The following NRG2 variants were observed in gnomAD, a reference collection of about 807,000 sequenced individuals.
NRG2 encodes the protein pro-neuregulin-2, membrane-bound isoform.
Under a neutral mutation model 73.9 loss-of-function variants are expected in NRG2, and 27 were observed. The observed-to-expected ratio is 0.37, with a 90% confidence interval of 0.27 to 0.50. The LOEUF is 0.50. Among genes scored for constraint, NRG2 ranks in the 20% least tolerant of loss-of-function variants. The pLI, the probability that NRG2 is intolerant of heterozygous loss-of-function variation, is 0.96. For missense variants in NRG2, 1,126 were observed against 1,210.1 expected (o/e 0.93, Z 1.03); for synonymous variants, 532 against 541.0 (o/e 0.98, Z 0.23).
chr5:139,931,509 C>T (rs748911250), intron 1 of NRG2, among the ~76,000 whole-genome samples: 6 of 152,016 alleles, frequency 3.9e-5, no homozygotes, highest in Non-Finnish European at 8.8e-5. Flanking sequence ...AATGCTGGGG[C>T]CAAGGTTAAA....
chr5:140,015,492 T>G (rs1233654202), intron 1 of NRG2, among the ~76,000 whole-genome samples: 1 of 152,160 alleles, frequency 6.6e-6, no homozygotes, highest in Admixed American at 6.5e-5. Flanking sequence ...GTGTCCCCAG[T>G]ACCCAAGACA....
At chr5:139,911,591 T>C (rs1236686378) in intron 1 of NRG2, among the ~76,000 whole-genome samples, 1 of 152,220 alleles carries the variant, frequency 6.6e-6, no homozygotes, top group African/African-American at 2.4e-5. Flanking sequence ...CAGGCCCTGC[T>C]GCAGGTGAGT....
chr5:140,016,454 T>C (rs1759787022), intron 1 of NRG2, among the ~76,000 whole-genome samples: 1 of 152,214 alleles, frequency 6.6e-6, no homozygotes, highest in African/African-American at 2.4e-5. Flanking sequence ...ATCTTGACTC[T>C]CTCCTCAGTT....
chr5:139,930,388 C>T lies in NRG2; in HGVS notation c.701-42877G>A, dbSNP rs180864298. ...CAAGATGTATCCTAAAGAATCCCTG[C>T]AAAGAGATGATTTACATTTTACCTG... is the stretch of plus-strand genomic sequence containing the variant. On this transcript the variant is annotated intron_variant, in intron 1 of 9. Coordinates refer to ENST00000361474, the MANE Select transcript of NRG2 (RefSeq NM_004883.3). Among the ~76,000 whole-genome samples the T allele has an allele frequency of 4.0e-4, 61 of 152,296 alleles. 1 individual carries two copies. Among genetic ancestry groups the T allele is most frequent in the Non-Finnish European group, 3.4e-4 (23 of 68,022 alleles).
intron 1 of NRG2, among the ~76,000 whole-genome samples, chr5:140,021,778 G>C (rs900651058): frequency 6.6e-6 from 1 of 152,160 alleles, no homozygotes; most frequent in African/African-American, 2.4e-5. Flanking sequence ...GCCTCAGCGA[G>C]GAACACAACG....
At chr5:139,944,446 A>T (rs1263148717) in intron 1 of NRG2, among the ~76,000 whole-genome samples, 1 of 152,042 alleles carries the variant, frequency 6.6e-6, no homozygotes, top group Non-Finnish European at 1.5e-5. Context: ...CCTCTGTTCT[A>T]CTTTTTTACT....
In NRG2 at chr5:140,011,935, C is replaced by T. The variant is rs761896471; in HGVS notation, c.700+30435G>A. ...AATACTTTCTTCTCCCCTAGTCCAT[C>T]TATACCTCTCCCATTGCACATGGGA... On this transcript the variant is annotated intron_variant, in intron 1 of 9. Transcript: ENST00000361474. 4.1e-4 allele frequency among the ~76,000 whole-genome samples: 62 copies of T among 152,224 alleles called. 1 individual carries two copies. The highest frequency in any genetic ancestry group is 1.5e-4 in the Non-Finnish European group (10 of 68,040).
At chr5:139,965,262 A>G (rs1392752447) in intron 1 of NRG2, among the ~76,000 whole-genome samples, 3 of 152,192 alleles carry the variant, frequency 2.0e-5, no homozygotes, top group Non-Finnish European at 4.4e-5. Flanking sequence ...CAGACAGCTC[A>G]CTATGTTCCA....
chr5:139,858,153 C>T (rs946095168), intron 5 of NRG2, among the ~76,000 whole-genome samples: 2 of 152,234 alleles, frequency 1.3e-5, no homozygotes, highest in African/African-American at 2.4e-5. Context: ...TCTGAGGCCC[C>T]CGGCTGCTTG....
In NRG2 at chr5:139,865,859, G is replaced by C. The variant is rs1319519389; in HGVS notation, c.1113-234C>G. On this transcript the variant is annotated intron_variant, in intron 4 of 9. Transcript: ENST00000361474. This position sits in a 1 kb window ranked among gnomAD's most constrained non-coding sequence, Gnocchi z 5.2. Reference sequence around the variant, plus strand: ...GTGGGGAAGGTGGGGTGGGTCAGGGGGAGGATGATTTAGGTAAGTGGGGTG... The same window carrying C: ...GTGGGGAAGGTGGGGTGGGTCAGGGCGAGGATGATTTAGGTAAGTGGGGTG... Among the ~76,000 whole-genome samples the C allele has an allele frequency of 6.6e-6, 1 of 152,116 alleles. No individual in the cohort carries two copies. The highest frequency in any genetic ancestry group is 2.4e-5 in the African/African-American group (1 of 41,404).
In NRG2 at chr5:139,848,290, G is replaced by A. The variant is rs2126986591; in HGVS notation, c.2180C>T (p.Pro727Leu). The A allele has an allele frequency of 8.8e-7, 1 of 1,134,228 alleles. No homozygotes were observed. The highest frequency in any genetic ancestry group is 1.1e-6 in the Non-Finnish European group (1 of 926,376). 70.3% of individuals were successfully genotyped at this position (1,134,228 alleles called of 1,614,324 possible). A position where few individuals can be genotyped will look rare whatever the true frequency, so the allele number is the denominator to read the frequency against. Residue 727 changes from proline to leucine, a missense_variant, in exon 10 of 10, where the codon CCG (proline) becomes CTG (leucine). Coordinates refer to ENST00000361474, the MANE Select transcript of NRG2 (RefSeq NM_004883.3). ...CCTGCGGGACGCACCGCGCGCGCGC[G>A]GCCGCGGCGGCGGCGGGGGCGCGCA... ...QECAPPPPPR[P>L]RARGASRRTS...
At chr5:139,891,880 T>G (rs1044079626) in intron 1 of NRG2, among the ~76,000 whole-genome samples, 16 of 152,238 alleles carry the variant, frequency 1.1e-4, no homozygotes, top group Non-Finnish European at 1.6e-4. Context: ...CATATGTGGA[T>G]TGCATTATAT....
rs1019317126 is a variant in NRG2 at position 139,869,158 on chromosome 5, C to G, written c.1112+2563G>C. On this transcript the variant is annotated intron_variant, in intron 4 of 9. Coordinates refer to ENST00000361474, the MANE Select transcript of NRG2 (RefSeq NM_004883.3). This position sits in a 1 kb window ranked among gnomAD's most constrained non-coding sequence, Gnocchi z 4.5. Reference sequence around the variant, plus strand: ...AAATTCAGTATCAGTGACACTGTTTCTTTTGGCACTGAATTCCAGAAAAAC... The same window carrying G: ...AAATTCAGTATCAGTGACACTGTTTGTTTTGGCACTGAATTCCAGAAAAAC... Among the ~76,000 whole-genome samples, 3 of 152,012 alleles carry G rather than the reference C, an allele frequency of 2.0e-5. No individual in the cohort carries two copies. Among genetic ancestry groups the G allele is most frequent in the Non-Finnish European group, 4.4e-5 (3 of 67,998 alleles).
rs572959543 is a variant in NRG2, at chr5:139,979,091, G to C, written c.700+63279C>G. Reference sequence around the variant, plus strand: ...CACACACCGGGGCCTGTTGTGGGGTGGGGGGAGGGGGGAGGGATAGTATTA... The same window carrying C: ...CACACACCGGGGCCTGTTGTGGGGTCGGGGGAGGGGGGAGGGATAGTATTA... On this transcript the variant is annotated intron_variant, in intron 1 of 9. Coordinates refer to ENST00000361474, the MANE Select transcript of NRG2 (RefSeq NM_004883.3). Among the ~76,000 whole-genome samples the C allele has an allele frequency of 7.7e-5, 9 of 116,326 alleles. No individual in the cohort carries two copies. The East Asian group carries it at 9.3e-4, about 12-fold the overall frequency. 76.3% of individuals were successfully genotyped at this position (116,326 alleles called of 152,430 possible). A position where few individuals can be genotyped will look rare whatever the true frequency, so the allele number is the denominator to read the frequency against.
At chr5:139,919,865 C>T (rs1025440782) in intron 1 of NRG2, among the ~76,000 whole-genome samples, 2 of 152,178 alleles carry the variant, frequency 1.3e-5, no homozygotes, top group Admixed American at 1.3e-4. Context: ...GAGATCACAC[C>T]AGAAACAGCT....
intron 1 of NRG2, among the ~76,000 whole-genome samples, chr5:140,020,991 C>T (rs75762966): frequency 0.015 from 2,272 of 152,228 alleles, 53 homozygotes; most frequent in African/African-American, 0.052. Context: ...CCTTTAAGTC[C>T]TTGGCAGAAA....
At chr5:139,936,728 CCT>C (rs1270300331) in intron 1 of NRG2, among the ~76,000 whole-genome samples, 2 of 152,102 alleles carry the variant, frequency 1.3e-5, no homozygotes, top group Non-Finnish European at 2.9e-5. Flanking sequence ...TTCCAATATT[CCT>C]CATGAATTCC....
chr5:139,854,425 G>A (rs181547911), intron 6 of NRG2, among the ~76,000 whole-genome samples: 248 of 152,370 alleles, frequency 1.6e-3, no homozygotes, highest in Middle Eastern at 3.4e-3. Context: ...AGCACCGGCC[G>A]TATGCCTGAG....
At chr5:140,025,055 T>G (rs1389129348) in intron 1 of NRG2, among the ~76,000 whole-genome samples, 1 of 152,172 alleles carries the variant, frequency 6.6e-6, no homozygotes, top group Non-Finnish European at 1.5e-5. Context: ...GGACTGAGGC[T>G]GAACCCAGGG....
Sources: allele counts gnomAD v4.1 joint callset (sites outside exome capture counted in the v4.1 genomes callset), GRCh38; gene constraint gnomAD v4.1.1; non-coding constraint Gnocchi (gnomAD v3.1); transcripts MANE v1.5; gene names NCBI Gene and HGNC (gene_info 2026-07-23, HGNC 2026-07-21).